Variants in RALYL observed in about 807,000 individuals in gnomAD.
RALYL encodes RALY RNA binding protein like, also known as RNA-binding Raly-like protein.
Under a neutral mutation model 35.1 loss-of-function variants are expected in RALYL, and 29 were observed. That is an observed-to-expected ratio of 0.83 (90% CI 0.61 to 1.13). The LOEUF is 1.13. Among genes scored for constraint, RALYL ranks in the 50% most tolerant of loss-of-function variants. RALYL has a pLI of 0.00. For missense variants in RALYL, 359 were observed against 360.4 expected (o/e 1.00, Z 0.03); for synonymous variants, 120 against 127.6 (o/e 0.94, Z 0.40).
intron 1 of RALYL, among the ~76,000 whole-genome samples, chr8:84,360,921 A>G (rs1044562519): frequency 6.6e-6 from 1 of 151,910 alleles, no homozygotes; most frequent in African/African-American, 2.4e-5. Context: ...ATCAGGCCCA[A>G]AATATTACCT....
At chr8:84,364,191 G>A (rs1853708492) in intron 1 of RALYL, among the ~76,000 whole-genome samples, 1 of 152,132 alleles carries the variant, frequency 6.6e-6, no homozygotes, top group South Asian at 2.1e-4. Context: ...TGAGAGAAGA[G>A]AGGCATCAAC....
At chr8:84,623,422 T>C (rs1822010531) in intron 2 of RALYL, among the ~76,000 whole-genome samples, 1 of 152,170 alleles carries the variant, frequency 6.6e-6, no homozygotes, top group African/African-American at 2.4e-5. Flanking sequence ...TTTATGAAAT[T>C]AATAAATCTC....
chr8:84,220,375 A>C (rs185948524), intron 1 of RALYL, among the ~76,000 whole-genome samples: 127 of 152,190 alleles, frequency 8.3e-4, no homozygotes, highest in African/African-American at 3.0e-3. Flanking sequence ...CAGTCCTTAT[A>C]TACATGGTGA....
rs544466562 is a variant in RALYL at position 84,879,509 on chromosome 8, G to A, written c.685+6112G>A. On this transcript the variant is annotated intron_variant, in intron 7 of 8. Transcript: ENST00000521268. ...GATGGGAAGTGAATGGGGATTATAG[G>A]ACCAAGAACTGAATCCTCAGCTTCC... Among the ~76,000 whole-genome samples, 7 of 152,088 alleles carry A rather than the reference G, an allele frequency of 4.6e-5. No homozygotes were observed. In the East Asian group the frequency reaches 1.4e-3, roughly 29 times the overall value.
chr8:84,193,315 T>C (rs1198577735), intron 1 of RALYL, among the ~76,000 whole-genome samples: 1 of 152,006 alleles, frequency 6.6e-6, no homozygotes, highest in Non-Finnish European at 1.5e-5. Flanking sequence ...GAGGTGGAGG[T>C]ATAATAGAAA....
At chr8:84,638,961 CACAG>C (rs1338604700) in intron 2 of RALYL, among the ~76,000 whole-genome samples, 1 of 84,862 alleles carries the variant, frequency 1.2e-5, no homozygotes, top group South Asian at 3.7e-4. Context: ...CACACACACA[CACAG>C]ACACACACAC....
chr8:84,366,364 C>T (rs1854271428), intron 1 of RALYL, among the ~76,000 whole-genome samples: 1 of 152,108 alleles, frequency 6.6e-6, no homozygotes, highest in Admixed American at 6.5e-5. Flanking sequence ...TCTAAAATAA[C>T]TAATTTGCAG....
intron 1 of RALYL, among the ~76,000 whole-genome samples, chr8:84,503,021 A>G (rs2056840260): frequency 1.3e-5 from 2 of 152,146 alleles, no homozygotes; most frequent in South Asian, 4.1e-4. Flanking sequence ...CAGTTTTAGT[A>G]ATGGAATAAG....
At chr8:84,630,262 T>C (rs1823628188) in intron 2 of RALYL, among the ~76,000 whole-genome samples, 1 of 151,970 alleles carries the variant, frequency 6.6e-6, no homozygotes, top group South Asian at 2.1e-4. Context: ...CCACCCTAAA[T>C]ACAGCTTGGC....
intron 1 of RALYL, among the ~76,000 whole-genome samples, chr8:84,195,894 A>T (rs1815156384): frequency 6.6e-6 from 1 of 152,234 alleles, no homozygotes; most frequent in South Asian, 2.1e-4. Flanking sequence ...GGTACAATTA[A>T]CATGAGTTTG....
At chr8:84,391,224 G>A (rs533747959) in intron 1 of RALYL, among the ~76,000 whole-genome samples, 1 of 152,080 alleles carries the variant, frequency 6.6e-6, no homozygotes, top group East Asian at 1.9e-4. Context: ...AGAGGCCAGA[G>A]GTGGTAGGTT....
intron 5 of RALYL, among the ~76,000 whole-genome samples, chr8:84,859,267 C>T (rs187647269): frequency 6.6e-6 from 1 of 152,158 alleles, no homozygotes; most frequent in Non-Finnish European, 1.5e-5. Context: ...AATTTTTCAT[C>T]GGCCATGCAG....
In RALYL at chr8:84,766,597, G is replaced by A. The variant is rs554785113; in HGVS notation, c.257-7982G>A. On this transcript the variant is annotated intron_variant, in intron 2 of 8. Transcript: ENST00000521268. ...AAATTAGCCAGGCATGGTGGCACAC[G>A]CCTGTAATCCCAGCTACTTGGGAGG... Among the ~76,000 whole-genome samples the A allele has an allele frequency of 1.3e-3, 192 of 150,044 alleles. 1 individual carries two copies. Among genetic ancestry groups the A allele is most frequent in the African/African-American group, 3.6e-3 (149 of 41,076 alleles).
At chr8:84,745,849 G>GT (rs956073712) in intron 2 of RALYL, among the ~76,000 whole-genome samples, 22 of 151,976 alleles carry the variant, frequency 1.4e-4, no homozygotes, top group Non-Finnish European at 2.9e-4. Context: ...TCATTCCTGT[G>GT]TTTTTTTAGC....
chr8:84,761,344 A>G (rs939992370), intron 2 of RALYL, among the ~76,000 whole-genome samples: 1 of 152,046 alleles, frequency 6.6e-6, no homozygotes, highest in Non-Finnish European at 1.5e-5. Flanking sequence ...ACATAAGTCA[A>G]AAAAACTAAG....
chr8:84,499,883 T>G (rs922738296), intron 1 of RALYL, among the ~76,000 whole-genome samples: 5 of 151,964 alleles, frequency 3.3e-5, no homozygotes, highest in African/African-American at 4.8e-5. Context: ...GCCTCCAGAT[T>G]AGCTGAGACT....
chr8:84,334,448 C>T (rs1362172051), intron 1 of RALYL, among the ~76,000 whole-genome samples: 1 of 151,270 alleles, frequency 6.6e-6, no homozygotes, highest in Non-Finnish European at 1.5e-5. Flanking sequence ...TACATAAATG[C>T]TTCAGTATGT....
intron 2 of RALYL, among the ~76,000 whole-genome samples, chr8:84,681,540 C>T (rs1273798329): frequency 6.6e-6 from 1 of 152,106 alleles, no homozygotes; most frequent in East Asian, 1.9e-4. Flanking sequence ...TTGTAGTTCT[C>T]CTCGAAGAGG....
intron 2 of RALYL, among the ~76,000 whole-genome samples, chr8:84,582,695 G>C (rs367586869): frequency 1.3e-5 from 2 of 152,130 alleles, no homozygotes; most frequent in South Asian, 2.1e-4. Context: ...ACTGAGCTAA[G>C]TTAGGAGAGC....
Sources: allele counts gnomAD v4.1 joint callset (sites outside exome capture counted in the v4.1 genomes callset), GRCh38; gene constraint gnomAD v4.1.1; transcripts MANE v1.5; gene names NCBI Gene and HGNC (gene_info 2026-07-23, HGNC 2026-07-21).